DLC1: variants seen among roughly 807,000 people sequenced by gnomAD.
DLC1 encodes rho GTPase-activating protein 7.
In DLC1, 54 loss-of-function variants were observed where a neutral mutation model predicts 140.3. The observed-to-expected ratio is 0.38, with a 90% CI of 0.31 to 0.48. The LOEUF is 0.48. DLC1 is among the 20% of genes least tolerant of loss of function. The pLI, the probability that DLC1 is intolerant of heterozygous loss-of-function variation, is 0.96. For missense variants in DLC1, 2,536 were observed against 1,907.0 expected (o/e 1.33, Z -6.14); for synonymous variants, 986 against 728.1 (o/e 1.35, Z -5.70).
At chr8:13,520,493 G>T (rs778877182) in intron 1 of DLC1, among the ~76,000 whole-genome samples, 4 of 152,038 alleles carry the variant, frequency 2.6e-5, no homozygotes, top group Non-Finnish European at 4.4e-5. Flanking sequence ...GCTAGGGGAG[G>T]GATAACATTA....
chr8:13,127,219 C>G (rs537763085), intron 5 of DLC1, among the ~76,000 whole-genome samples: 22 of 152,316 alleles, frequency 1.4e-4, no homozygotes, highest in Non-Finnish European at 2.9e-5. Flanking sequence ...AGAAATTAAT[C>G]TAATGGTCAA....
intron 1 of DLC1, among the ~76,000 whole-genome samples, chr8:13,538,826 T>C (rs1055874369): frequency 2.6e-5 from 4 of 152,172 alleles, no homozygotes; most frequent in Non-Finnish European, 5.9e-5. Flanking sequence ...GTGAGCAAAA[T>C]ATTGCTTGAA....
At chr8:13,178,457 A>C (rs543429581) in intron 5 of DLC1, among the ~76,000 whole-genome samples, 1 of 151,216 alleles carries the variant, frequency 6.6e-6, no homozygotes, top group East Asian at 2.0e-4. Context: ...TCCTAGTTCC[A>C]CCTACTCAGG....
chr8:13,541,445 T>A (rs908306323), intron 1 of DLC1, among the ~76,000 whole-genome samples: 7 of 152,238 alleles, frequency 4.6e-5, no homozygotes, highest in Non-Finnish European at 1.0e-4. Context: ...CCACTTGCTC[T>A]ACATACTGGA....
At chr8:13,350,800 C>T (rs1244521085) in intron 4 of DLC1, among the ~76,000 whole-genome samples, 1 of 152,172 alleles carries the variant, frequency 6.6e-6, no homozygotes, top group Non-Finnish European at 1.5e-5. Flanking sequence ...GAATAGTCAG[C>T]TTGGAAGGTG....
intron 5 of DLC1, among the ~76,000 whole-genome samples, chr8:13,283,325 C>CACAG (rs1554489235): frequency 7.3e-4 from 110 of 150,614 alleles, no homozygotes; most frequent in South Asian, 2.1e-3. Context: ...CACACACACA[C>CACAG]AGAAAAGAAA....
chr8:13,545,196 A>G (rs952503249), intron 1 of DLC1, among the ~76,000 whole-genome samples: 3 of 152,044 alleles, frequency 2.0e-5, no homozygotes, highest in Non-Finnish European at 4.4e-5. Flanking sequence ...TGCATTTAAA[A>G]TTTTCATTTT....
upstream of DLC1, among the ~76,000 whole-genome samples, chr8:13,519,683 G>T (rs1802705417): frequency 6.6e-6 from 1 of 152,044 alleles, no homozygotes; most frequent in African/African-American, 2.4e-5. Flanking sequence ...ATTGATTCCT[G>T]CTTTTTGGAC....
intron 2 of DLC1, among the ~76,000 whole-genome samples, chr8:13,471,925 C>G (rs777885068): frequency 1.4e-4 from 22 of 152,176 alleles, no homozygotes; most frequent in African/African-American, 2.2e-4. Flanking sequence ...AGCCATGGAG[C>G]TCTCCCACTC....
At chr8:13,393,399 C>G (rs1316210100) in intron 4 of DLC1, among the ~76,000 whole-genome samples, 154 bp downstream of exon 4, 1 of 152,126 alleles carries the variant, frequency 6.6e-6, no homozygotes, top group Non-Finnish European at 1.5e-5. Flanking sequence ...AAACATTTTT[C>G]TAGGGTTGTA....
intron 4 of DLC1, among the ~76,000 whole-genome samples, chr8:13,334,005 C>A (rs1833711367): frequency 6.6e-6 from 1 of 151,996 alleles, no homozygotes; most frequent in African/African-American, 2.4e-5. Flanking sequence ...TGCCTAACGA[C>A]ATGGAAAACA....
intron 1 of DLC1, among the ~76,000 whole-genome samples, chr8:13,522,971 T>C (rs2117288497): frequency 6.6e-6 from 1 of 152,224 alleles, no homozygotes; most frequent in East Asian, 1.9e-4. Flanking sequence ...AAGGAATTAA[T>C]GTGGCTAAAA....
At chr8:13,110,660 A>G in intron 7 of DLC1, 82 bp downstream of exon 7, 1 of 1,350,664 alleles carries the variant, frequency 7.4e-7, no homozygotes, top group Non-Finnish European at 1.0e-6. Context: ...GCAAGAACAA[A>G]AGCAAACAAA....
At chr8:13,213,116 T>C (rs1318842099) in intron 5 of DLC1, among the ~76,000 whole-genome samples, 1 of 152,218 alleles carries the variant, frequency 6.6e-6, no homozygotes, top group Non-Finnish European at 1.5e-5. Flanking sequence ...AAAGACTTAA[T>C]AAAAATTCTG....
chr8:13,166,031 C>T (rs369208877), intron 5 of DLC1, among the ~76,000 whole-genome samples: 3 of 152,294 alleles, frequency 2.0e-5, no homozygotes, highest in Non-Finnish European at 2.9e-5. Context: ...TGTATTTCCA[C>T]ATCTTAAAGT....
At position 13,277,541 on chromosome 8, in the gene DLC1, TA is replaced by T. The variant is rs572687394; in HGVS notation, c.1348+27727del. On this transcript the variant is annotated intron_variant, in intron 5 of 17. Transcript: ENST00000276297. ...CATCAAAAACTCATCCCCCAAAATG[TA>T]AAAAAAGTTCCAAGCACTATGAAAT... 7.3e-3 allele frequency among the ~76,000 whole-genome samples: 1,116 copies of T among 152,202 alleles called. 6 individuals carry two copies. Among genetic ancestry groups the T allele is most frequent in the South Asian group, 0.02 (97 of 4,824 alleles).
At chr8:13,304,974 G>A in intron 5 of DLC1, 6 of 1,054,102 alleles carry the variant, frequency 5.7e-6, no homozygotes, top group Non-Finnish European at 6.9e-6. Flanking sequence ...TCATTCCCCA[G>A]AACCTTGATC....
chr8:13,316,077 C>G (rs541983198), intron 4 of DLC1, among the ~76,000 whole-genome samples: 3 of 152,192 alleles, frequency 2.0e-5, no homozygotes, highest in South Asian at 2.1e-4. Context: ...AAGAACAGCA[C>G]GCAGGTTGCG....
intron 4 of DLC1, among the ~76,000 whole-genome samples, chr8:13,385,882 T>C (rs1836499828): frequency 6.6e-6 from 1 of 152,092 alleles, no homozygotes; most frequent in South Asian, 2.1e-4. Context: ...GGTAGAAAAA[T>C]ATGGGAAAAT....
Sources: allele counts gnomAD v4.1 joint callset (sites outside exome capture counted in the v4.1 genomes callset), GRCh38; gene constraint gnomAD v4.1.1; transcripts MANE v1.5; gene names NCBI Gene and HGNC (gene_info 2026-07-23, HGNC 2026-07-21).